ATXN7L1: variants seen among roughly 807,000 people sequenced by gnomAD.
ATXN7L1 encodes the protein ataxin-7-like protein 1.
In ATXN7L1, 15 loss-of-function variants were observed where a neutral mutation model predicts 70.8. The observed-to-expected ratio is 0.21, with a 90% confidence interval of 0.14 to 0.33. The LOEUF is 0.33. Ranked by LOEUF, ATXN7L1 falls within the 10% of genes least tolerant of loss-of-function variation. The probability of loss-of-function intolerance (pLI) is 1.00; values close to 1 mark genes in which losing one functional copy is unlikely to be tolerated. For synonymous variants in ATXN7L1, 440 were observed against 445.1 expected, an observed-to-expected ratio of 0.99 and a Z score of 0.14; for missense variants, 975 against 1,097.1, an observed-to-expected ratio of 0.89 and a Z score of 1.57.
intron 7 of ATXN7L1, among the ~76,000 whole-genome samples, chr7:105,631,726 C>T (rs1410007433): frequency 6.6e-6 from 1 of 152,206 alleles, no homozygotes; most frequent in African/African-American, 2.4e-5. Flanking sequence ...CTGGGCCTTC[C>T]AAAGTGCTAG....
chr7:105,692,424 T>TCCCTCCCTCCTTCCTTCCTTCCTCCCTC (rs1554431696), intron 3 of ATXN7L1, among the ~76,000 whole-genome samples: 99 of 88,176 alleles, frequency 1.1e-3, no homozygotes, highest in Admixed American at 3.0e-3. Context: ...CTTCCTTCCT[T>TCCCTCCCTCCTTCCTTCCTTCCTCCCTC]CCTCCCTCCC....
At chr7:105,653,433 G>A (rs13247323) in intron 4 of ATXN7L1, among the ~76,000 whole-genome samples, 1 of 152,168 alleles carries the variant, frequency 6.6e-6, no homozygotes, top group South Asian at 2.1e-4. Context: ...AGAAGCCAGG[G>A]AGAGACTCTG....
intron 3 of ATXN7L1, among the ~76,000 whole-genome samples, chr7:105,724,048 T>C (rs1795507202): frequency 6.6e-6 from 1 of 152,092 alleles, no homozygotes; most frequent in Non-Finnish European, 1.5e-5. Flanking sequence ...AAAGATGAGG[T>C]GTATTAGTTT....
At chr7:105,830,009 G>C (rs1280854401) in intron 2 of ATXN7L1, among the ~76,000 whole-genome samples, 5 of 152,168 alleles carry the variant, frequency 3.3e-5, no homozygotes, top group African/African-American at 1.2e-4. Flanking sequence ...CTTGTCACTG[G>C]GGACACACGA....
At chr7:105,709,070 A>G (rs957478144) in intron 3 of ATXN7L1, among the ~76,000 whole-genome samples, 1 of 136,826 alleles carries the variant, frequency 7.3e-6, no homozygotes, top group African/African-American at 3.1e-5. Context: ...GTATTGGCTC[A>G]TACCTGTAAT....
intron 2 of ATXN7L1, among the ~76,000 whole-genome samples, chr7:105,850,746 T>C (rs189159170): frequency 6.6e-6 from 1 of 152,146 alleles, no homozygotes; most frequent in Non-Finnish European, 1.5e-5. Flanking sequence ...TGATCCTCAC[T>C]TGCCTGCAAG....
chr7:105,839,196 TGA>T (rs1358149128), intron 2 of ATXN7L1, among the ~76,000 whole-genome samples: 9 of 152,010 alleles, frequency 5.9e-5, no homozygotes, highest in African/African-American at 2.2e-4. Flanking sequence ...ATGGCTCAGC[TGA>T]GAGACGTTTT....
chr7:105,681,007 G>C (rs1805474481), intron 3 of ATXN7L1, among the ~76,000 whole-genome samples: 1 of 152,074 alleles, frequency 6.6e-6, no homozygotes, highest in Non-Finnish European at 1.5e-5. Context: ...ACCTGAGGTA[G>C]CGTAAGTTCT....
chr7:105,711,822 C>T (rs1793953652), intron 3 of ATXN7L1, among the ~76,000 whole-genome samples: 1 of 152,260 alleles, frequency 6.6e-6, no homozygotes, highest in Non-Finnish European at 1.5e-5. Context: ...CTCCACTAGG[C>T]AATGCCCCAG....
At chr7:105,831,631 C>A (rs1457559912) in intron 2 of ATXN7L1, among the ~76,000 whole-genome samples, 1 of 152,150 alleles carries the variant, frequency 6.6e-6, no homozygotes, top group Non-Finnish European at 1.5e-5. Context: ...GCGTAAACTA[C>A]CAGAACAATG....
chr7:105,740,754 A>G (rs1467501734), intron 3 of ATXN7L1, among the ~76,000 whole-genome samples: 1 of 149,320 alleles, frequency 6.7e-6, no homozygotes, highest in African/African-American at 2.5e-5. Context: ...TGCTCAGTCA[A>G]AGGTGGCTCC....
chr7:105,707,198 A>G (rs1793292435), intron 3 of ATXN7L1, among the ~76,000 whole-genome samples: 1 of 152,122 alleles, frequency 6.6e-6, no homozygotes, highest in South Asian at 2.1e-4. Flanking sequence ...AAGAAATGGA[A>G]GAGGCCACCC....
intron 3 of ATXN7L1, among the ~76,000 whole-genome samples, chr7:105,707,277 G>A (rs182810609): frequency 1.2e-4 from 18 of 152,344 alleles, no homozygotes; most frequent in Non-Finnish European, 1.9e-4. Flanking sequence ...ATGAAGCAAT[G>A]AGCCAGTTGG....
chr7:105,831,644 A>G (rs1811622220), intron 2 of ATXN7L1, among the ~76,000 whole-genome samples: 1 of 152,250 alleles, frequency 6.6e-6, no homozygotes, highest in Admixed American at 6.5e-5. Flanking sequence ...GAACAATGTG[A>G]TAGTCCTACA....
intron 2 of ATXN7L1, among the ~76,000 whole-genome samples, chr7:105,847,709 C>G (rs1814273149): frequency 1.3e-5 from 2 of 152,212 alleles, no homozygotes; most frequent in Non-Finnish European, 2.9e-5. Flanking sequence ...CTTAATTTTT[C>G]TCTGCCCCAG....
intron 2 of ATXN7L1, among the ~76,000 whole-genome samples, chr7:105,836,485 C>G (rs1206506310): frequency 6.6e-6 from 1 of 152,076 alleles, no homozygotes; most frequent in East Asian, 1.9e-4. Flanking sequence ...CAACAAACTC[C>G]CAGCTGAGGG....
chr7:105,619,393 C>T (rs1794468896), intron 9 of ATXN7L1, among the ~76,000 whole-genome samples: 1 of 145,392 alleles, frequency 6.9e-6, no homozygotes, highest in Non-Finnish European at 1.5e-5. Context: ...AGTTGATCCG[C>T]TCGCCTCAGC....
At chr7:105,623,999 T>C (rs1345379292) in intron 8 of ATXN7L1, 76 bp downstream of exon 8, 9 of 1,256,056 alleles carry the variant, frequency 7.2e-6, no homozygotes, top group Non-Finnish European at 8.2e-6. Flanking sequence ...GGAAGGATCA[T>C]GCCTCTGGTA....
intron 7 of ATXN7L1, among the ~76,000 whole-genome samples, chr7:105,635,825 A>G (rs1482735919): frequency 6.6e-6 from 1 of 151,832 alleles, no homozygotes; most frequent in African/African-American, 2.4e-5. Flanking sequence ...ATGACAATAA[A>G]TTCCATTCAT....
Sources: gnomAD v4.1 joint callset for allele counts (sites outside exome capture counted in the v4.1 genomes callset) on GRCh38, gnomAD v4.1.1 for gene constraint, MANE v1.5 for transcripts, NCBI Gene and HGNC (gene_info 2026-07-23, HGNC 2026-07-21) for gene names.